The following EDIL3 variants were observed in gnomAD, a reference collection of about 807,000 sequenced individuals.
EDIL3 encodes the protein EGF-like repeat and discoidin I-like domain-containing protein 3.
EDIL3 carries 37 observed loss-of-function variants against 67.4 expected under a neutral mutation model. The ratio of observed to expected loss-of-function variants is 0.55; its 90% CI spans 0.42 to 0.72. EDIL3 has a LOEUF of 0.72. EDIL3 is among the 30% of genes least tolerant of loss of function. The pLI is 0.00. For synonymous variants in EDIL3, 195 were observed against 196.3 expected (o/e 0.99, Z 0.05); for missense variants, 527 against 586.3 (o/e 0.90, Z 1.04).
intron 9 of EDIL3, among the ~76,000 whole-genome samples, chr5:83,969,006 T>A (rs1580257641): frequency 6.6e-6 from 1 of 151,932 alleles, no homozygotes; most frequent in Middle Eastern, 3.4e-3. Context: ...AATTCAAACA[T>A]GTTTTCAGAC....
intron 4 of EDIL3, among the ~76,000 whole-genome samples, chr5:84,171,970 T>C (rs1204192341): frequency 1.3e-5 from 2 of 152,168 alleles, no homozygotes; most frequent in African/African-American, 4.8e-5. Context: ...CCTTATTAAA[T>C]AATCAGACAT....
intron 5 of EDIL3, among the ~76,000 whole-genome samples, chr5:84,114,965 C>T (rs934974353): frequency 2.6e-5 from 4 of 152,096 alleles, no homozygotes; most frequent in African/African-American, 9.7e-5. Flanking sequence ...ATGCCTTTTG[C>T]ATTATTTAGG....
intron 3 of EDIL3, among the ~76,000 whole-genome samples, chr5:84,195,388 T>C (rs190654868): frequency 5.9e-5 from 9 of 152,104 alleles, no homozygotes. Flanking sequence ...GTAAAAGATT[T>C]TCAGATGAAC....
Position 84,308,776 on chromosome 5 carries a change from A to G in EDIL3, c.68-54564T>C, listed in dbSNP as rs149324148. Among the ~76,000 whole-genome samples, 155 of 152,330 alleles carry G rather than the reference A, an allele frequency of 1.0e-3. 1 individual carries two copies. The highest frequency in any genetic ancestry group is 3.5e-3 in the African/African-American group (147 of 41,584). ...TAAATAATATCATTTGTATAAAAAG[A>G]TCAATTGGTCTGATACATATTTGAT... On this transcript the variant is annotated intron_variant, in intron 1 of 10. Coordinates refer to ENST00000296591, the MANE Select transcript of EDIL3 (RefSeq NM_005711.5).
chr5:84,049,888 G>C (rs868426717), intron 9 of EDIL3, among the ~76,000 whole-genome samples: 1 of 152,046 alleles, frequency 6.6e-6, no homozygotes, highest in African/African-American at 2.4e-5. Context: ...TAACCAATTA[G>C]GTAGGATCAC....
At chr5:84,257,457 T>C (rs1360546930) in intron 1 of EDIL3, among the ~76,000 whole-genome samples, 1 of 152,196 alleles carries the variant, frequency 6.6e-6, no homozygotes, top group Non-Finnish European at 1.5e-5. Context: ...TTTCCATCAT[T>C]AGCATACTAT....
intron 1 of EDIL3, among the ~76,000 whole-genome samples, chr5:84,352,526 A>G (rs1747381734): frequency 6.6e-6 from 1 of 152,166 alleles, no homozygotes; most frequent in Non-Finnish European, 1.5e-5. Context: ...CATTATCCTT[A>G]GTGAAATGAC....
At chr5:84,041,945 A>G (rs980567636) in intron 9 of EDIL3, among the ~76,000 whole-genome samples, 10 of 152,046 alleles carry the variant, frequency 6.6e-5, no homozygotes, top group Admixed American at 6.6e-5. Flanking sequence ...AATGGGGTGA[A>G]AAGTGACTCA....
At chr5:84,320,625 A>G (rs889282973) in intron 1 of EDIL3, among the ~76,000 whole-genome samples, 4 of 152,074 alleles carry the variant, frequency 2.6e-5, no homozygotes, top group Non-Finnish European at 5.9e-5. Context: ...CCAACTCTAT[A>G]CTATACCATG....
At chr5:84,294,626 A>T (rs1207129075) in intron 1 of EDIL3, among the ~76,000 whole-genome samples, 2 of 152,076 alleles carry the variant, frequency 1.3e-5, no homozygotes, top group Non-Finnish European at 2.9e-5. Flanking sequence ...CTTTATATTT[A>T]AAAAATAATA....
At chr5:84,143,112 T>C (rs185767440) in intron 4 of EDIL3, among the ~76,000 whole-genome samples, 75 of 152,202 alleles carry the variant, frequency 4.9e-4, no homozygotes, top group Middle Eastern at 3.4e-3. Flanking sequence ...TCTTTAAAGA[T>C]TGAATTTCTA....
chr5:84,187,857 G>A (rs1355347972), intron 3 of EDIL3, among the ~76,000 whole-genome samples: 1 of 151,568 alleles, frequency 6.6e-6, no homozygotes, highest in Non-Finnish European at 1.5e-5. Context: ...CTTCTCCTTT[G>A]TACTCCTCCT....
rs567580267 is a variant in EDIL3, at chr5:83,996,345, T to C, written c.1138-32985A>G. ...CTAAAAGGATGTTAAAGTACCCCTC[T>C]CTTTATCCCAATATGTGGAAGAATA... On this transcript the variant is annotated intron_variant, in intron 9 of 10. Coordinates refer to ENST00000296591, the MANE Select transcript of EDIL3 (RefSeq NM_005711.5). Among the ~76,000 whole-genome samples, 3 of 152,292 alleles carry C rather than the reference T, an allele frequency of 2.0e-5. No homozygotes were observed. In the East Asian group the frequency reaches 5.8e-4, roughly 29 times the overall value.
chr5:84,070,908 A>T (rs564218177), intron 6 of EDIL3, among the ~76,000 whole-genome samples: 1 of 152,164 alleles, frequency 6.6e-6, no homozygotes, highest in Non-Finnish European at 1.5e-5. Context: ...AAGGGCTCAT[A>T]AAGGTTATCA....
chr5:84,332,611 CA>C (rs1326991022), intron 1 of EDIL3, among the ~76,000 whole-genome samples: 1 of 152,020 alleles, frequency 6.6e-6, no homozygotes, highest in Admixed American at 6.6e-5. Flanking sequence ...TAGGGTCTTG[CA>C]AAAGGAGGGC....
intron 1 of EDIL3, among the ~76,000 whole-genome samples, chr5:84,372,346 AG>A (rs1323221547): frequency 2.6e-5 from 4 of 152,184 alleles, no homozygotes; most frequent in Non-Finnish European, 5.9e-5. Context: ...TTTGTGTACA[AG>A]GTACACAATT....
chr5:83,991,247 A>T (rs958284865), intron 9 of EDIL3, among the ~76,000 whole-genome samples: 14 of 152,284 alleles, frequency 9.2e-5, no homozygotes. Context: ...TACCTGGTTG[A>T]ACTGCAAGAA....
intron 9 of EDIL3, among the ~76,000 whole-genome samples, chr5:84,057,105 C>T (rs1417586076): frequency 6.6e-6 from 1 of 151,996 alleles, no homozygotes; most frequent in Non-Finnish European, 1.5e-5. Context: ...CTTGGAGATT[C>T]TGAATATGTT....
rs533348049 is a variant in EDIL3 at position 84,185,121 on chromosome 5, AT to A, written c.227-4601del. ...AATGGGCTCAGGGAGGATAAGTATC[AT>A]ATCCATCTGAAAAAGCATAGATTTT... On this transcript the variant is annotated intron_variant, in intron 3 of 10. Transcript: ENST00000296591. Among the ~76,000 whole-genome samples the A allele has an allele frequency of 6.6e-5, 10 of 152,308 alleles. 1 individual carries two copies. Among genetic ancestry groups the A allele is most frequent in the African/African-American group, 2.4e-4 (10 of 41,582 alleles).
Sources: gnomAD v4.1 joint callset for allele counts (sites outside exome capture counted in the v4.1 genomes callset) on GRCh38, gnomAD v4.1.1 for gene constraint, MANE v1.5 for transcripts, NCBI Gene and HGNC (gene_info 2026-07-23, HGNC 2026-07-21) for gene names.